ABCC10: variants seen among roughly 807,000 people sequenced by gnomAD.
ABCC10 encodes ATP binding cassette subfamily C member 10.
Under a neutral mutation model 143.2 loss-of-function variants are expected in ABCC10, and 110 were observed. The observed-to-expected ratio is 0.77, with a 90% CI of 0.66 to 0.90. The LOEUF (loss-of-function observed/expected upper bound fraction) is 0.90, where lower values mean the gene tolerates loss of function less well. ABCC10 is among the 40% of genes least tolerant of loss of function. ABCC10 has a pLI of 0.00. For missense variants in ABCC10, 1,700 were observed against 1,900.5 expected, an observed-to-expected ratio of 0.89 and a Z score of 1.96; for synonymous variants, 805 against 846.7, an observed-to-expected ratio of 0.95 and a Z score of 0.85.
intron 1 of ABCC10, 52 bp downstream of exon 1, chr6:43,427,809 C>G (rs1384607027): frequency 1.3e-6 from 1 of 770,368 alleles, no homozygotes; most frequent in Non-Finnish European, 2.2e-6. Context: ...CCCGTTTTTA[C>G]CCTTGGTACC....
intron 7 of ABCC10, chr6:43,438,267 T>C (rs1781967562): frequency 8.5e-7 from 1 of 1,177,560 alleles, no homozygotes; most frequent in Admixed American, 2.9e-5. Flanking sequence ...AGCTATTCTT[T>C]CAGAAATGTG....
downstream of ABCC10, chr6:43,451,014 C>T (rs758519145): frequency 1.2e-5 from 19 of 1,613,960 alleles, no homozygotes; most frequent in Middle Eastern, 1.6e-4. This position sits in a 1 kb window ranked among gnomAD's most constrained non-coding sequence, Gnocchi z 4.4. Context: ...GTCCCGACAG[C>T]GGGCCCCTCT....
At chr6:43,434,588 A>C in intron 3 of ABCC10, 33 bp from the exon 4 acceptor site, 1 of 1,587,868 alleles carries the variant, frequency 6.3e-7, no homozygotes. Flanking sequence ...CAGTGCCTCC[A>C]CTTCACGCCT....
intron 2 of ABCC10, among the ~76,000 whole-genome samples, chr6:43,429,372 T>G (rs13197425): frequency 0.03 from 2,948 of 98,130 alleles, 121 homozygotes; most frequent in South Asian, 0.032. Context: ...CTTTTCTTTC[T>G]TGTGTGTGTG....
chr6:43,438,878 G>A, intron 8 of ABCC10, 83 bp downstream of exon 8: 2 of 1,522,700 alleles, frequency 1.3e-6, no homozygotes, highest in Non-Finnish European at 9.0e-7. Flanking sequence ...TGCTTTTCTG[G>A]AAAGGGGTTG....
Position 43,428,136 on chromosome 6 carries a change from C to G in ABCC10, c.158C>G (p.Pro53Arg). Residue 53 changes from proline (P) to arginine (R), a missense_variant, in exon 2 of 22, where the codon CCG becomes CGG. By Grantham distance (103) the Pro-to-Arg change is moderately radical (BLOSUM62 -2). Coordinates refer to ENST00000372530, the MANE Select transcript of ABCC10 (RefSeq NM_001198934.2). ...CTCAGTGCCTGTTACTTGGGCACCC[C>G]GAGGTGGGTAGAGACGGGCGCAAGG... Reference protein sequence around the residue: ...AVLSACYLGTPRSPDYILPCS... With the variant: ...AVLSACYLGTRRSPDYILPCS... 2 of 1,534,092 alleles carry G rather than the reference C, an allele frequency of 1.3e-6. No individual in the cohort carries two copies. The highest frequency in any genetic ancestry group is 2.5e-5 in the East Asian group (1 of 40,764).
In ABCC10 at chr6:43,443,169, G is replaced by A. The variant is rs562656468; in HGVS notation, c.2416+10G>A. The A allele has an allele frequency of 1.9e-6, 3 of 1,581,366 alleles. No homozygotes were observed. Among genetic ancestry groups the A allele is most frequent in the South Asian group, 1.1e-5 (1 of 87,642 alleles). ...CGCCTCATCCGGGCTGGTAATGGGG[G>A]CAGGAGCCCCGTGTGAGGGAGGTGT... is the stretch of plus-strand genomic sequence containing the variant. On this transcript the variant is annotated intron_variant, in intron 10 of 21. Transcript: ENST00000372530. The surrounding 1 kb of genome is among the most constrained non-coding windows in gnomAD (Gnocchi z 4.2).
intron 6 of ABCC10, among the ~76,000 whole-genome samples, chr6:43,437,433 CA>C (rs57827467): frequency 0.045 from 4,487 of 100,486 alleles, 100 homozygotes; most frequent in African/African-American, 0.18. Context: ...AACATATGAC[CA>C]AAAAAAAAAA....
At chr6:43,441,454 G>A (rs1211227207) in intron 8 of ABCC10, among the ~76,000 whole-genome samples, 5 of 151,584 alleles carry the variant, frequency 3.3e-5, no homozygotes, top group Admixed American at 1.3e-4. Context: ...CCAGCCTGGC[G>A]ACAGAGCGAG....
At chr6:43,428,201 A>C in intron 2 of ABCC10, 62 bp downstream of exon 2, 2 of 1,447,246 alleles carry the variant, frequency 1.4e-6, no homozygotes, top group Non-Finnish European at 1.8e-6. Context: ...CCCGCGGCCT[A>C]CATCTTCCGG....
chr6:43,434,944 G>T, intron 4 of ABCC10, 96 bp downstream of exon 4: 1 of 1,323,940 alleles, frequency 7.6e-7, no homozygotes, highest in South Asian at 1.3e-5. Context: ...AAGGAGGGAG[G>T]GATCCCTGAC....
At position 43,438,784 on chromosome 6, in the gene ABCC10, G is replaced by T. The variant is rs143568985; in HGVS notation, c.2116G>T (p.Asp706Tyr). Residue 706 changes from aspartate to tyrosine, a missense_variant, in exon 8 of 22, where the codon GAT becomes TAT. Transcript: ENST00000372530. Reference protein sequence around the residue: ...KEVLEACALNDDLSILPAGDQ... With the variant: ...KEVLEACALNYDLSILPAGDQ... ...GGTGCTAGAAGCCTGCGCCCTCAAT[G>T]ATGACCTCAGTGTGAGTGCCTGGCC... 65 of 1,614,044 alleles carry T rather than the reference G, an allele frequency of 4.0e-5. 1 individual carries two copies. The South Asian group carries it at 5.7e-4, about 14-fold the overall frequency.
At chr6:43,445,411 T>A in intron 14 of ABCC10, 97 bp downstream of exon 14, 2 of 1,430,758 alleles carry the variant, frequency 1.4e-6, no homozygotes, top group South Asian at 2.6e-5. Context: ...GGAGAGTCTT[T>A]CCTGCCCTGG....
chr6:43,442,966 A>T lies in ABCC10; in HGVS notation c.2227-4A>T. ...GTGCCCACGGTACCCTCACGTCTCC[A>T]TAGGAAAAGGAGCTCTATCTCCTCG... On this transcript the variant is annotated splice_polypyrimidine_tract_variant and splice_region_variant and intron_variant, in intron 9 of 21. Coordinates refer to ENST00000372530, the MANE Select transcript of ABCC10 (RefSeq NM_001198934.2). 1 of 1,575,072 alleles carries T rather than the reference A, an allele frequency of 6.3e-7. No individual in the cohort carries two copies. The highest frequency in any genetic ancestry group is 1.4e-5 in the African/African-American group (1 of 73,968).
intron 9 of ABCC10, 58 bp downstream of exon 9, chr6:43,442,018 G>T: frequency 6.8e-7 from 1 of 1,473,472 alleles, no homozygotes; most frequent in East Asian, 2.3e-5. Context: ...AGAGCCTTGG[G>T]AACTTGGCTG....
intron 14 of ABCC10, 41 bp downstream of exon 14, chr6:43,445,355 AG>A: frequency 6.3e-7 from 1 of 1,582,852 alleles, no homozygotes; most frequent in Non-Finnish European, 8.6e-7. Flanking sequence ...GTGCAGTCCT[AG>A]CCCCTGTGGA....
rs895330708 is a variant in ABCC10, at chr6:43,436,035, T to G, written c.1766-103T>G. Reference sequence around the variant, plus strand: ...GAATCCAAAACAGACTCATTTAGCTTTGGGCAGGTAGATATGGGGCTGGCA... The same window carrying G: ...GAATCCAAAACAGACTCATTTAGCTGTGGGCAGGTAGATATGGGGCTGGCA... On this transcript the variant is annotated intron_variant, in intron 5 of 21. Coordinates refer to ENST00000372530, the MANE Select transcript of ABCC10 (RefSeq NM_001198934.2). The G allele has an allele frequency of 8.1e-6, 13 of 1,602,746 alleles. No homozygotes were observed. In the African/African-American group the frequency reaches 1.7e-4, roughly 21 times the overall value.
rs1266522191 is a variant in ABCC10, at chr6:43,444,044, T to A, written c.2494+34T>A. 2.5e-6 allele frequency: 4 copies of A among 1,610,362 alleles called. No individual in the cohort carries two copies. In the Admixed American group the frequency reaches 6.7e-5, roughly 27 times the overall value. On this transcript the variant is annotated intron_variant, in intron 11 of 21. Transcript: ENST00000372530. ...CCCCAGTGGGAGAAAAGGGCTTGCT[T>A]TTCCCTGCCACACTGTAGAGCTTTT...
At position 43,432,599 on chromosome 6, in the gene ABCC10, G is replaced by A. The variant is rs753635813; in HGVS notation, c.619G>A (p.Glu207Lys). Reference sequence around the variant, plus strand: ...CTGGGCTCAGGAGCCCCTCCTGCCCGAGGATCAAGAACCTGAGGTGGCTGA... The same window carrying A: ...CTGGGCTCAGGAGCCCCTCCTGCCCAAGGATCAAGAACCTGAGGTGGCTGA... ...EPWAQEPLLPEDQEPEVAEDG... is the reference protein window; with the variant it reads ...EPWAQEPLLPKDQEPEVAEDG... Residue 207 changes from glutamate to lysine, a missense_variant, in exon 3 of 22, where the codon GAG becomes AAG. Physicochemically the swap from Glu to Lys is moderately conservative, Grantham distance 56 (BLOSUM62 1). Transcript: ENST00000372530. 6.2e-6 allele frequency: 10 copies of A among 1,613,822 alleles called. No homozygotes were observed. In the East Asian group the frequency reaches 6.7e-5, roughly 11 times the overall value.
Sources: allele counts gnomAD v4.1 joint callset (sites outside exome capture counted in the v4.1 genomes callset), GRCh38; gene constraint gnomAD v4.1.1; non-coding constraint Gnocchi (gnomAD v3.1); transcripts MANE v1.5; gene names NCBI Gene and HGNC (gene_info 2026-07-23, HGNC 2026-07-21).